The following DOCK6 variants were observed in gnomAD, a reference collection of about 807,000 sequenced individuals.
The protein encoded by DOCK6 is dedicator of cytokinesis 6.
DOCK6 carries 167 observed loss-of-function variants against 230.3 expected under a neutral mutation model. That is an observed-to-expected ratio of 0.73 (90% confidence interval 0.64 to 0.82). The LOEUF is 0.82. Among genes scored for constraint, DOCK6 ranks in the 40% least tolerant of loss-of-function variants. The pLI is 0.00. For synonymous variants in DOCK6, 1,148 were observed against 1,185.0 expected, an observed-to-expected ratio of 0.97 and a Z score of 0.64; for missense variants, 2,598 against 2,825.8, an observed-to-expected ratio of 0.92 and a Z score of 1.83.
rs754941054 is a variant in DOCK6, at chr19:11,208,788, G to A, written c.4986C>T (p.Asp1662=). The change falls in exon 39 of 48, where the codon GAC becomes GAT. Residue 1662 remains aspartate, a synonymous_variant. Coordinates refer to ENST00000294618, the MANE Select transcript of DOCK6 (RefSeq NM_020812.4). ...CCTCCTCGTCGGGCGACAGGATGTC[G>A]TCGGAGATGGCGGACTCCTCTAGCA... ...SNVLEESAIS[D]DILSPDEEGF... The A allele has an allele frequency of 3.0e-5, 49 of 1,613,636 alleles. No individual in the cohort carries two copies. In the Admixed American group the frequency reaches 6.7e-4, roughly 22 times the overall value.
At position 11,252,899 on chromosome 19, in the gene DOCK6, T is replaced by A. The variant is rs2080141024; in HGVS notation, c.192A>T (p.Pro64=). ...LDFEDVLLSR[P]PDAEPGPLRD... The stretch of plus-strand genomic sequence containing the variant: ...TGAGGGGCCCGGGCTCAGCATCTGG[T>A]GGCCGGCTCAGAAGTACATCCTCAA... Residue 64 remains proline (P), a synonymous_variant, in exon 3 of 48, where the codon CCA becomes CCT. Coordinates refer to ENST00000294618, the MANE Select transcript of DOCK6 (RefSeq NM_020812.4). The A allele has an allele frequency of 6.2e-7, 1 of 1,613,524 alleles. No homozygotes were observed. Among genetic ancestry groups the A allele is most frequent in the East Asian group, 2.2e-5 (1 of 44,860 alleles).
chr19:11,243,257 C>A lies in DOCK6; in HGVS notation c.1386+1G>T. On this transcript the variant is annotated splice_donor_variant, in intron 12 of 47. Coordinates refer to ENST00000294618, the MANE Select transcript of DOCK6 (RefSeq NM_020812.4). LOFTEE classifies it high-confidence loss of function. The surrounding 1 kb of genome is among the most constrained non-coding windows in gnomAD (Gnocchi z 6.3). ...GAGTCCCTGGCCCCAGGGTAGGACA[C>A]CTGCTTAAAGAAGTTTGTGACAGTT... is the stretch of plus-strand genomic sequence containing the variant. The A allele has an allele frequency of 6.2e-7, 1 of 1,612,404 alleles. No individual in the cohort carries two copies. Among genetic ancestry groups the A allele is most frequent in the East Asian group, 2.2e-5 (1 of 44,836 alleles).
intron 28 of DOCK6, 41 bp from the exon 29 acceptor site, chr19:11,217,432 G>C: frequency 6.3e-7 from 1 of 1,590,928 alleles, no homozygotes; most frequent in Non-Finnish European, 8.6e-7. Flanking sequence ...TAAACCCTTG[G>C]TAAGTGCTGT....
chr19:11,239,937 G>T, intron 14 of DOCK6: 1 of 1,577,982 alleles, frequency 6.3e-7, no homozygotes. Flanking sequence ...AGACTCAGGT[G>T]GGCACCGTAG....
In DOCK6 at chr19:11,200,303, G is replaced by T; in HGVS notation, c.6101+5C>A. The T allele has an allele frequency of 1.3e-6, 2 of 1,559,478 alleles. No homozygotes were observed. The highest frequency in any genetic ancestry group is 2.4e-5 in the East Asian group (1 of 41,876). ...TCTCTAGGATGGGGGCACTAGGTCA[G>T]GCACCTGAGGCCGGGTGGGGTGGGT... On this transcript the variant is annotated splice_donor_5th_base_variant and intron_variant, in intron 47 of 47. Transcript: ENST00000294618. This position sits in a 1 kb window ranked among gnomAD's most constrained non-coding sequence, Gnocchi z 4.3.
rs2079419765 is a variant in DOCK6, at chr19:11,213,111, T to C, written c.4491+65A>G. ...TCCCCCTCCCTCACTCCCTGTATGG[T>C]TGAGACCCCACTGGCCACCCTGACC... On this transcript the variant is annotated intron_variant, in intron 35 of 47. Coordinates refer to ENST00000294618, the MANE Select transcript of DOCK6 (RefSeq NM_020812.4). 4 of 1,564,862 alleles carry C rather than the reference T, an allele frequency of 2.6e-6. 1 individual carries two copies. In the South Asian group the frequency reaches 3.5e-5, roughly 14 times the overall value.
At position 11,201,854 on chromosome 19, in the gene DOCK6, T is replaced by TC; in HGVS notation, c.5688+34dup. ...TCCCAGGGTCTGATGTCCCCTCACC[T>TC]CCCCACCCCCGCCAGGCCCAGGATC... On this transcript the variant is annotated intron_variant, in intron 44 of 47. Coordinates refer to ENST00000294618, the MANE Select transcript of DOCK6 (RefSeq NM_020812.4). The surrounding 1 kb of genome is among the most constrained non-coding windows in gnomAD (Gnocchi z 4.3). 1.7e-4 allele frequency: 127 copies of TC among 727,998 alleles called. No individual in the cohort carries two copies. The highest frequency in any genetic ancestry group is 5.4e-4 in the South Asian group (31 of 57,328). 45.1% of individuals were successfully genotyped at this position (727,998 alleles called of 1,614,324 possible).
chr19:11,259,556 C>CTTTTTTTTTTTTTTTT (rs756965986), intron 1 of DOCK6, among the ~76,000 whole-genome samples: 11 of 103,644 alleles, frequency 1.1e-4, no homozygotes, highest in Non-Finnish European at 1.7e-4. Flanking sequence ...TATTTCTTTT[C>CTTTTTTTTTTTTTTTT]TTTTTTTTTT....
Position 11,201,838 on chromosome 19 carries a change from C to CTGA in DOCK6, c.5688+48_5688+50dup. On this transcript the variant is annotated intron_variant, in intron 44 of 47. Coordinates refer to ENST00000294618, the MANE Select transcript of DOCK6 (RefSeq NM_020812.4). The surrounding 1 kb of genome is among the most constrained non-coding windows in gnomAD (Gnocchi z 4.3). ...CTACCCTCCCCTCCCCTCCCAGGGTCTGATGTCCCCTCACCTCCCCACCCC... is the reference window on the plus strand; with the variant it reads ...CTACCCTCCCCTCCCCTCCCAGGGTCTGATGATGTCCCCTCACCTCCCCACCCC... The CTGA allele has an allele frequency of 1.0e-6, 1 of 965,018 alleles. No individual in the cohort carries two copies. Among genetic ancestry groups the CTGA allele is most frequent in the Non-Finnish European group, 1.5e-6 (1 of 650,044 alleles). The allele number at this position is 965,018 out of a possible 1,614,324, so 59.8% of individuals were successfully genotyped here.
rs772138516 is a variant in DOCK6 at position 11,236,341 on chromosome 19, C to T, written c.2392+5G>A. ...AAACTGAGGTCTGAGGCCACATTCG[C>T]TTACCAATCTGGCCACTGATGATCG... On this transcript the variant is annotated splice_donor_5th_base_variant and intron_variant, in intron 20 of 47. Coordinates refer to ENST00000294618, the MANE Select transcript of DOCK6 (RefSeq NM_020812.4). This position sits in a 1 kb window ranked among gnomAD's most constrained non-coding sequence, Gnocchi z 5.2. 7 of 1,543,834 alleles carry T rather than the reference C, an allele frequency of 4.5e-6. No homozygotes were observed. The Admixed American group carries it at 5.8e-5, about 13-fold the overall frequency.
At chr19:11,262,038 T>C (rs1192720642) in intron 1 of DOCK6, among the ~76,000 whole-genome samples, 1 of 151,884 alleles carries the variant, frequency 6.6e-6, no homozygotes, top group Non-Finnish European at 1.5e-5. Context: ...GCGGGGACAG[T>C]GAGGGGCCGA....
chr19:11,251,000 T>A lies in DOCK6; in HGVS notation c.594A>T (p.Ala198=). The part of the protein sequence containing the change: ...ASSIFDLRNL[A]ADSLLPSLLE... ...GCAGAGAGGGCAGCAATGAGTCAGC[T>A]GCCAGGTTCCTCAGGTCGAAGATGC... is the stretch of plus-strand genomic sequence containing the variant. The change falls in exon 6 of 48, where the codon GCA becomes GCT. Residue 198 remains alanine, a synonymous_variant. Transcript: ENST00000294618. 1 of 1,613,872 alleles carries A rather than the reference T, an allele frequency of 6.2e-7. No homozygotes were observed. The highest frequency in any genetic ancestry group is 8.5e-7 in the Non-Finnish European group (1 of 1,179,866).
At chr19:11,251,949 A>T in intron 5 of DOCK6, 170 bp downstream of exon 5, 1 of 941,678 alleles carries the variant, frequency 1.1e-6, no homozygotes, top group Non-Finnish European at 1.6e-6. Flanking sequence ...CACCCTAAGC[A>T]CTCAATAAAT....
chr19:11,211,152 C>A (rs985310081), intron 37 of DOCK6, among the ~76,000 whole-genome samples: 1 of 151,462 alleles, frequency 6.6e-6, no homozygotes, highest in Non-Finnish European at 1.5e-5. Context: ...CCCTTCACCC[C>A]CCTGCCCCAC....
At chr19:11,215,768 G>A (rs1486736379) in intron 31 of DOCK6, 33 bp downstream of exon 31, 2 of 1,612,098 alleles carry the variant, frequency 1.2e-6, no homozygotes, top group African/African-American at 1.3e-5. Context: ...GCAGCTGGTG[G>A]GATGGGGACA....
rs374401180 is a variant in DOCK6, at chr19:11,222,786, G to T, written c.3189C>A (p.Pro1063=). The change falls in exon 26 of 48, where the codon CCC becomes CCA. Residue 1063 remains proline (P), a synonymous_variant. Transcript: ENST00000294618. The surrounding 1 kb of genome is among the most constrained non-coding windows in gnomAD (Gnocchi z 4.0). ...HYVTLNLPCC[P]LSPPASPSPS... ...GGGAGGGCGAGGCTGGAGGTGACAG[G>T]GGGCAGCAGGGGAGGTTGAGGGTCA... The T allele has an allele frequency of 2.6e-5, 41 of 1,585,526 alleles. No individual in the cohort carries two copies. Among genetic ancestry groups the T allele is most frequent in the Non-Finnish European group, 3.3e-5 (38 of 1,166,422 alleles).
At chr19:11,253,981 C>A (rs887658225) in intron 1 of DOCK6, 2 of 383,600 alleles carry the variant, frequency 5.2e-6, no homozygotes, top group Non-Finnish European at 9.3e-6. Context: ...CTTCCCCTCC[C>A]GGCTGGGCCT....
In DOCK6 at chr19:11,217,627, G is replaced by A. The variant is rs113801874; in HGVS notation, c.3551-236C>T. Among the ~76,000 whole-genome samples, 6,416 of 151,322 alleles carry A rather than the reference G, an allele frequency of 0.042. 437 individuals carry two copies. The highest frequency in any genetic ancestry group is 0.15 in the African/African-American group (6,060 of 41,226). ...CAAAAAATTAGCTGGGTGTGGTGGC[G>A]GGCGCCTGTAATCCCAGCTACTCGG... is the stretch of plus-strand genomic sequence containing the variant. On this transcript the variant is annotated intron_variant, in intron 28 of 47. Transcript: ENST00000294618.
At position 11,245,681 on chromosome 19, in the gene DOCK6, G is replaced by A. The variant is rs748202984; in HGVS notation, c.905C>T (p.Ser302Leu). Residue 302 changes from serine (S) to leucine (L), a missense_variant, in exon 9 of 48, where the codon TCG becomes TTG. Coordinates refer to ENST00000294618, the MANE Select transcript of DOCK6 (RefSeq NM_020812.4). ...CCGAAGCAGCCCCTTCATGGAGTCC[G>A]AGTTCAGGTCGAAGTAGAAGTTCTC... ...ISENFYFDLN[S>L]DSMKGLLRAH... is the part of the protein sequence containing the mutation. The A allele has an allele frequency of 1.1e-5, 17 of 1,607,854 alleles. No homozygotes were observed. The highest frequency in any genetic ancestry group is 3.3e-5 in the South Asian group (3 of 90,108).
Sources: allele counts gnomAD v4.1 joint callset (sites outside exome capture counted in the v4.1 genomes callset), GRCh38; gene constraint gnomAD v4.1.1; non-coding constraint Gnocchi (gnomAD v3.1); transcripts MANE v1.5; gene names NCBI Gene and HGNC (gene_info 2026-07-23, HGNC 2026-07-21).